The following TEX29 variants were observed in gnomAD, a reference collection of about 807,000 sequenced individuals.
The protein encoded by TEX29 is testis-expressed protein 29.
In TEX29, 26 loss-of-function variants were observed where a neutral mutation model predicts 18.2. That is an observed-to-expected ratio of 1.43 (90% confidence interval 1.04 to 1.98). The LOEUF (loss-of-function observed/expected upper bound fraction) is 1.98. Ranked by LOEUF, TEX29 falls within the 30% of genes most tolerant of loss-of-function variation. The pLI is 0.00. For missense variants in TEX29, 177 were observed against 194.2 expected (o/e 0.91, Z 0.53); for synonymous variants, 83 against 78.5 (o/e 1.06, Z -0.31).
At chr13:111,325,196 G>A (rs1049627921) in intron 2 of TEX29, among the ~76,000 whole-genome samples, 2 of 152,182 alleles carry the variant, frequency 1.3e-5, no homozygotes, top group African/African-American at 2.4e-5. Context: ...TGGTTGCCCC[G>A]CCATCCTGAG....
At chr13:111,337,319 C>T (rs35272033) in intron 3 of TEX29, among the ~76,000 whole-genome samples, 32,668 of 152,108 alleles carry the variant, frequency 0.21, 4,496 homozygotes, top group Non-Finnish European at 0.3. Context: ...AGTGAGGCTG[C>T]AGTCACCTGA....
chr13:111,330,427 C>T (rs909246824), intron 3 of TEX29, among the ~76,000 whole-genome samples: 8 of 152,160 alleles, frequency 5.3e-5, no homozygotes, highest in African/African-American at 9.7e-5. Context: ...TTTCTGATGA[C>T]GACGGCTCCT....
At chr13:111,343,004 GGGA>G in intron 5 of TEX29, 73 bp downstream of exon 5, 2 of 1,539,550 alleles carry the variant, frequency 1.3e-6, no homozygotes, top group South Asian at 1.2e-5. Flanking sequence ...GACCTTCCCT[GGGA>G]AGGGGCTCAA....
chr13:111,330,965 G>C (rs1300928422), intron 3 of TEX29, among the ~76,000 whole-genome samples: 2 of 152,148 alleles, frequency 1.3e-5, no homozygotes, highest in Non-Finnish European at 2.9e-5. Context: ...TAGACATGTG[G>C]GTTGTTTCCA....
intron 4 of TEX29, among the ~76,000 whole-genome samples, chr13:111,342,368 C>G (rs1292280319): frequency 6.6e-6 from 1 of 152,118 alleles, no homozygotes; most frequent in Non-Finnish European, 1.5e-5. Flanking sequence ...CTAGCTGCCT[C>G]ATACAGCCAT....
At chr13:111,319,882 CA>C (rs111445978), upstream of TEX29, among the ~76,000 whole-genome samples, 15 of 152,372 alleles carry the variant, frequency 9.8e-5, no homozygotes, top group African/African-American at 3.4e-4. Flanking sequence ...TTCCTGCTCA[CA>C]AACCTCCCGA....
At chr13:111,342,182 T>C (rs1048915384) in intron 4 of TEX29, among the ~76,000 whole-genome samples, 1 of 152,184 alleles carries the variant, frequency 6.6e-6, no homozygotes, top group African/African-American at 2.4e-5. Context: ...GCCCACTCTG[T>C]GTGCATACAA....
Position 111,331,312 on chromosome 13 carries a change from T to C in TEX29, c.169+3019T>C, listed in dbSNP as rs554369337. ...TAATGAATAATGATGTTCACCATTGTTGCATTTTTTTTTTTTTTTTTTTTG... is the reference window on the plus strand; with the variant it reads ...TAATGAATAATGATGTTCACCATTGCTGCATTTTTTTTTTTTTTTTTTTTG... On this transcript the variant is annotated intron_variant, in intron 3 of 5. Transcript: ENST00000283547. Among the ~76,000 whole-genome samples, 127 of 96,122 alleles carry C rather than the reference T, an allele frequency of 1.3e-3. 1 individual carries two copies. Among genetic ancestry groups the C allele is most frequent in the African/African-American group, 4.6e-3 (121 of 26,538 alleles). 63.1% of individuals were successfully genotyped at this position (96,122 alleles called of 152,430 possible).
At chr13:111,323,149 C>A (rs1050293446) in intron 2 of TEX29, among the ~76,000 whole-genome samples, 1 of 152,196 alleles carries the variant, frequency 6.6e-6, no homozygotes, top group African/African-American at 2.4e-5. Context: ...TCCCCTTCCA[C>A]GCAGCCCTGC....
chr13:111,325,116 A>G (rs1186644479), intron 2 of TEX29, among the ~76,000 whole-genome samples: 1 of 152,210 alleles, frequency 6.6e-6, no homozygotes, highest in Non-Finnish European at 1.5e-5. Context: ...GGCTTCTCCC[A>G]GGAAGCACTC....
At chr13:111,334,767 C>T (rs961695600) in intron 3 of TEX29, among the ~76,000 whole-genome samples, 19 of 152,198 alleles carry the variant, frequency 1.2e-4, no homozygotes, top group African/African-American at 4.1e-4. Context: ...CTGTTCTCAC[C>T]GAATGAGCTC....
intron 2 of TEX29, among the ~76,000 whole-genome samples, chr13:111,325,521 A>G (rs1376402202): frequency 2.0e-5 from 3 of 152,204 alleles, no homozygotes; most frequent in Admixed American, 6.5e-5. Flanking sequence ...GGCAGCTGTG[A>G]CCTGGTGCCT....
At chr13:111,322,562 G>A (rs1045979778) in intron 2 of TEX29, among the ~76,000 whole-genome samples, 11 of 152,144 alleles carry the variant, frequency 7.2e-5, no homozygotes, top group Non-Finnish European at 1.2e-4. Context: ...TGGGACTGGT[G>A]GGGGTCATCT....
At chr13:111,329,624 G>A (rs912162058) in intron 3 of TEX29, among the ~76,000 whole-genome samples, 8 of 152,036 alleles carry the variant, frequency 5.3e-5, no homozygotes, top group Non-Finnish European at 1.0e-4. Context: ...TGCAAAGCCT[G>A]TAACAAATGA....
chr13:111,320,988 G>GGGGGGGGGGGGCCT, intron 2 of TEX29, 40 bp downstream of exon 2: 1 of 431,438 alleles, frequency 2.3e-6, no homozygotes, highest in Non-Finnish European at 4.3e-6. Flanking sequence ...TGGGGTGGGG[G>GGGGGGGGGGGGCCT]AGCAGTTGGG....
At chr13:111,320,988 G>GGGGGGGGGGGGGGGGGGGGGGGGGCT in intron 2 of TEX29, 40 bp downstream of exon 2, 1 of 431,438 alleles carries the variant, frequency 2.3e-6, no homozygotes, top group Non-Finnish European at 4.3e-6. Context: ...TGGGGTGGGG[G>GGGGGGGGGGGGGGGGGGGGGGGGGCT]AGCAGTTGGG....
chr13:111,334,176 A>G (rs1372297980), intron 3 of TEX29, among the ~76,000 whole-genome samples: 1 of 152,148 alleles, frequency 6.6e-6, no homozygotes, highest in Non-Finnish European at 1.5e-5. Context: ...AAAATTGGAC[A>G]TTTTAGGTAA....
chr13:111,335,402 C>A (rs2093688216), intron 3 of TEX29, among the ~76,000 whole-genome samples: 1 of 152,232 alleles, frequency 6.6e-6, no homozygotes, highest in Non-Finnish European at 1.5e-5. Context: ...TGGCTTCATT[C>A]CAGCAGCTCG....
intron 3 of TEX29, among the ~76,000 whole-genome samples, chr13:111,338,086 C>T (rs148421442): frequency 2.0e-5 from 3 of 151,838 alleles, no homozygotes; most frequent in Non-Finnish European, 2.9e-5. Flanking sequence ...GAAGCTGGCT[C>T]ATGTGCCCAG....
Sources: gnomAD v4.1 joint callset for allele counts (sites outside exome capture counted in the v4.1 genomes callset) on GRCh38, gnomAD v4.1.1 for gene constraint, MANE v1.5 for transcripts, NCBI Gene and HGNC (gene_info 2026-07-23, HGNC 2026-07-21) for gene names.